Variants in SH3KBP1 observed in about 807,000 individuals in gnomAD.
SH3KBP1 encodes the protein SH3 domain containing kinase binding protein 1.
In SH3KBP1, 8 loss-of-function variants were observed where a neutral mutation model predicts 50.1. The observed-to-expected ratio is 0.16, with a 90% CI of 0.09 to 0.29. SH3KBP1 has a LOEUF of 0.29. Ranked by LOEUF, SH3KBP1 falls within the 10% of genes least tolerant of loss-of-function variation. SH3KBP1 has a pLI of 1.00. For synonymous variants in SH3KBP1, 227 were observed against 218.6 expected (o/e 1.04, Z -0.34); for missense variants, 377 against 535.2 (o/e 0.70, Z 2.92).
At chrX:19,540,736 G>A (rs983194415) in intron 16 of SH3KBP1, among the ~76,000 whole-genome samples, 3 of 111,636 alleles carry the variant, frequency 2.7e-5, no homozygotes, top group African/African-American at 9.8e-5. Context: ...GCTGCCCCGT[G>A]TGGCCAGGAA....
intron 1 of SH3KBP1, among the ~76,000 whole-genome samples, chrX:19,865,008 C>T (rs1294806940): frequency 1.8e-5 from 2 of 112,311 alleles, no homozygotes; most frequent in Non-Finnish European, 3.8e-5. Flanking sequence ...AAATAGAACA[C>T]TTTGCCTGTG....
At chrX:19,819,967 C>G (rs1486983436) in intron 2 of SH3KBP1, among the ~76,000 whole-genome samples, 1 of 111,523 alleles carries the variant, frequency 9.0e-6, no homozygotes, top group Non-Finnish European at 1.9e-5. Context: ...TCTTCTTTGA[C>G]CTGTGGATTA....
chrX:19,695,341 C>T (rs761883669), intron 5 of SH3KBP1, among the ~76,000 whole-genome samples: 5 of 111,399 alleles, frequency 4.5e-5, no homozygotes, highest in Non-Finnish European at 9.4e-5. Context: ...TATATGGAGG[C>T]ACAGCAACAT....
At chrX:19,748,846 G>C (rs2064993317) in intron 2 of SH3KBP1, among the ~76,000 whole-genome samples, 1 of 110,984 alleles carries the variant, frequency 9.0e-6, no homozygotes, top group African/African-American at 3.3e-5. Flanking sequence ...ATTACCCAGA[G>C]TAGAAAATTC....
In SH3KBP1 at chrX:19,536,328, A is replaced by G; in HGVS notation, c.*89T>C. 3 of 608,209 alleles carry G rather than the reference A, an allele frequency of 4.9e-6. No homozygotes were observed. The highest frequency in any genetic ancestry group is 2.6e-6 in the Non-Finnish European group (1 of 378,569). The allele number at this position is 608,209 out of a possible 1,213,427, so 50.1% of individuals were successfully genotyped here. A position where few individuals can be genotyped will look rare whatever the true frequency, so the allele number is the denominator to read the frequency against. ...AGGGACATTTTGAGGCAAACCTTTA[A>G]TCTTTTGGCACAAGATTATTTTGGC... is the stretch of plus-strand genomic sequence containing the variant. On this transcript the variant is annotated 3_prime_UTR_variant, in exon 18 of 18. Transcript: ENST00000397821.
chrX:19,856,314 A>G (rs1185228703), intron 1 of SH3KBP1, among the ~76,000 whole-genome samples: 2 of 111,990 alleles, frequency 1.8e-5, no homozygotes, highest in Admixed American at 1.9e-4. Context: ...AATTACAAAA[A>G]TGCAATAAAC....
intron 6 of SH3KBP1, among the ~76,000 whole-genome samples, chrX:19,678,261 G>T (rs1332114909): frequency 9.0e-6 from 1 of 110,912 alleles, no homozygotes; most frequent in Non-Finnish European, 1.9e-5. Context: ...CAAATAGAGG[G>T]ATATACCATG....
At chrX:19,789,107 C>T (rs1412455959) in intron 2 of SH3KBP1, among the ~76,000 whole-genome samples, 1 of 111,430 alleles carries the variant, frequency 9.0e-6, no homozygotes, top group Non-Finnish European at 1.9e-5. Context: ...CTGGGTGATA[C>T]AGCAAGGCTC....
chrX:19,769,765 T>A (rs1050915945), intron 2 of SH3KBP1, among the ~76,000 whole-genome samples: 5 of 110,782 alleles, frequency 4.5e-5, no homozygotes, highest in African/African-American at 1.6e-4. Context: ...TGACAGAACC[T>A]TCCTAAATGG....
At chrX:19,619,422 A>T (rs1173177917) in intron 8 of SH3KBP1, among the ~76,000 whole-genome samples, 3 of 112,893 alleles carry the variant, frequency 2.7e-5, no homozygotes, top group Non-Finnish European at 5.6e-5. Flanking sequence ...AGGGCATGTG[A>T]ACAAGTCATA....
intron 4 of SH3KBP1, among the ~76,000 whole-genome samples, chrX:19,706,145 G>A (rs1478136853): frequency 1.8e-5 from 2 of 111,658 alleles, no homozygotes; most frequent in Non-Finnish European, 1.9e-5. Flanking sequence ...TAAGGTCAGA[G>A]GGTATCAGCA....
chrX:19,720,887 G>T (rs745912399), intron 3 of SH3KBP1, among the ~76,000 whole-genome samples: 98 of 111,207 alleles, frequency 8.8e-4, no homozygotes, highest in African/African-American at 3.0e-3. Context: ...TGTGTGGGTT[G>T]TGGGGGTGGG....
intron 14 of SH3KBP1, among the ~76,000 whole-genome samples, chrX:19,548,068 A>T (rs1051906109): frequency 8.9e-6 from 1 of 112,894 alleles, no homozygotes; most frequent in Non-Finnish European, 1.9e-5. Flanking sequence ...TGTGCTTTTC[A>T]TTCCAGTTGT....
chrX:19,737,280 G>T (rs2064615944), intron 3 of SH3KBP1, among the ~76,000 whole-genome samples: 1 of 111,062 alleles, frequency 9.0e-6, no homozygotes, highest in African/African-American at 3.3e-5. Flanking sequence ...AGGCTCCCAC[G>T]TGGGGCTTAG....
intron 1 of SH3KBP1, among the ~76,000 whole-genome samples, chrX:19,866,373 T>C (rs1466061109): frequency 9.0e-6 from 1 of 111,692 alleles, no homozygotes; most frequent in African/African-American, 3.3e-5. Flanking sequence ...GGGCTGATCA[T>C]ATAAATGGGT....
chrX:19,573,230 T>C (rs1208416788), intron 12 of SH3KBP1, among the ~76,000 whole-genome samples: 2 of 112,152 alleles, frequency 1.8e-5, no homozygotes, highest in African/African-American at 6.5e-5. Flanking sequence ...AAAATGTTAA[T>C]AGTAGTAATC....
chrX:19,786,030 T>A (rs2066335569), intron 2 of SH3KBP1, among the ~76,000 whole-genome samples: 1 of 112,218 alleles, frequency 8.9e-6, no homozygotes, highest in Non-Finnish European at 1.9e-5. Context: ...TACTTAGTGC[T>A]ATTTGAACCA....
chrX:19,600,685 G>C (rs1313361180), intron 9 of SH3KBP1, among the ~76,000 whole-genome samples: 1 of 111,367 alleles, frequency 9.0e-6, no homozygotes, highest in Non-Finnish European at 1.9e-5. Context: ...AGCTCCTATA[G>C]GTGCACACCC....
rs746941807 is a variant in SH3KBP1 at position 19,608,188 on chromosome X, A to G, written c.898-143T>C. 2.9e-5 allele frequency: 13 copies of G among 442,026 alleles called. No homozygotes were observed. In the East Asian group the frequency reaches 3.3e-4, roughly 11 times the overall value. The allele number at this position is 442,026 out of a possible 1,213,427, so 36.4% of individuals were successfully genotyped here. ...GGTTACCAAGTCAGCACAAACCCCA[A>G]TGTCAGAGGGGAAAACAAAAGCTTA... On this transcript the variant is annotated intron_variant, in intron 8 of 17. Coordinates refer to ENST00000397821, the MANE Select transcript of SH3KBP1 (RefSeq NM_031892.3).
Sources: gnomAD v4.1 joint callset for allele counts (sites outside exome capture counted in the v4.1 genomes callset) on GRCh38, gnomAD v4.1.1 for gene constraint, MANE v1.5 for transcripts, NCBI Gene and HGNC (gene_info 2026-07-23, HGNC 2026-07-21) for gene names.